CNKSR2: variants seen among roughly 807,000 people sequenced by gnomAD.
The protein encoded by CNKSR2 is connector enhancer of kinase suppressor of Ras 2, also known as CNK homolog protein 2.
In CNKSR2, 14 loss-of-function variants were observed where a neutral mutation model predicts 84.4. The observed-to-expected ratio is 0.17, with a 90% confidence interval of 0.11 to 0.26. CNKSR2 has a LOEUF of 0.26. Among genes scored for constraint, CNKSR2 ranks in the 10% least tolerant of loss-of-function variants. The probability of loss-of-function intolerance (pLI) is 1.00; values close to 1 mark genes in which losing one functional copy is unlikely to be tolerated. For synonymous variants in CNKSR2, 275 were observed against 277.9 expected, an observed-to-expected ratio of 0.99 and a Z score of 0.10; for missense variants, 485 against 771.2, an observed-to-expected ratio of 0.63 and a Z score of 4.40.
intron 20 of CNKSR2, among the ~76,000 whole-genome samples, chrX:21,619,474 C>T (rs2092592359): frequency 9.0e-6 from 1 of 111,217 alleles, no homozygotes; most frequent in Admixed American, 9.6e-5. Flanking sequence ...CCTAATCTTC[C>T]ATGATTTTGA....
At chrX:21,385,753 A>G (rs758789865) in intron 1 of CNKSR2, among the ~76,000 whole-genome samples, 60 of 111,801 alleles carry the variant, frequency 5.4e-4, no homozygotes, top group African/African-American at 1.8e-3. Flanking sequence ...TCCTGGAAAT[A>G]CTTTTCAAAG....
chrX:21,472,349 T>A (rs913626514), intron 5 of CNKSR2, among the ~76,000 whole-genome samples: 1 of 112,128 alleles, frequency 8.9e-6, no homozygotes, highest in African/African-American at 3.2e-5. Context: ...AGGCTGTTAT[T>A]GAGGTCAGTG....
At position 21,526,953 on chromosome X, in the gene CNKSR2, C is replaced by T; in HGVS notation, c.1044C>T (p.Leu348=). Residue 348 remains leucine (L), a synonymous_variant, in exon 10 of 22, where the codon CTC becomes CTT. Transcript: ENST00000379510. ...STPTKRDSSA[L]QDLYIPPPPA... ...CCACCAAAAGAGACAGTTCTGCCCT[C>T]CAGGATCTCTACATTCCCCCTCCTC... The T allele has an allele frequency of 8.3e-7, 1 of 1,206,028 alleles. No homozygotes were observed. Among genetic ancestry groups the T allele is most frequent in the East Asian group, 3.0e-5 (1 of 33,707 alleles).
chrX:21,612,543 T>C (rs1427476010), intron 20 of CNKSR2, among the ~76,000 whole-genome samples: 3 of 111,998 alleles, frequency 2.7e-5, no homozygotes, highest in African/African-American at 9.8e-5. Context: ...GCCAAGAAAT[T>C]AAAAATAGGA....
chrX:21,439,575 C>G (rs1001137922), intron 3 of CNKSR2, among the ~76,000 whole-genome samples: 5 of 110,162 alleles, frequency 4.5e-5, no homozygotes, highest in African/African-American at 1.6e-4. Flanking sequence ...ATGATAAGAG[C>G]AGAAATTAGC....
intron 9 of CNKSR2, among the ~76,000 whole-genome samples, chrX:21,525,850 G>A (rs557307315): frequency 5.4e-5 from 6 of 111,064 alleles, no homozygotes; most frequent in African/African-American, 1.6e-4. Context: ...TGAAGATACA[G>A]TTCATTTGTG....
intron 5 of CNKSR2, among the ~76,000 whole-genome samples, chrX:21,481,250 C>G (rs961244802): frequency 6.3e-5 from 7 of 111,747 alleles, no homozygotes; most frequent in African/African-American, 2.0e-4. Flanking sequence ...AACTGAGGCA[C>G]ACAAAAGGAT....
rs1209453760 is a variant in CNKSR2, at chrX:21,468,346, A to G, written c.520-2420A>G. ...ATTTAAAATGTAATATTAATATAGC[A>G]TCAAACATATATTTAATAGTATTTG... On this transcript the variant is annotated intron_variant, in intron 4 of 21. Coordinates refer to ENST00000379510, the MANE Select transcript of CNKSR2 (RefSeq NM_014927.5). Among the ~76,000 whole-genome samples, 4 of 111,608 alleles carry G rather than the reference A, an allele frequency of 3.6e-5. No individual in the cohort carries two copies. The South Asian group carries it at 1.1e-3, about 31-fold the overall frequency.
At chrX:21,526,484 CTCA>C (rs1222570384) in intron 9 of CNKSR2, among the ~76,000 whole-genome samples, 2 of 111,022 alleles carry the variant, frequency 1.8e-5, no homozygotes, top group Non-Finnish European at 3.8e-5. Context: ...TTTTGAGTTA[CTCA>C]TCATTATTGT....
chrX:21,462,714 AT>A lies in CNKSR2; in HGVS notation c.520-8035del, dbSNP rs765249371. Among the ~76,000 whole-genome samples, 669 of 92,031 alleles carry A rather than the reference AT, an allele frequency of 7.3e-3. 1 individual carries two copies. Among genetic ancestry groups the A allele is most frequent in the African/African-American group, 8.5e-3 (205 of 24,158 alleles). The allele number at this position is 92,031 out of a possible 115,157, so 79.9% of individuals were successfully genotyped here. Reference sequence around the variant, plus strand: ...GAGGTATCTTTCTTCTATACCCAGTATTTTTTTTTTTTTTTTTGAGACAGAC... The same window carrying A: ...GAGGTATCTTTCTTCTATACCCAGTATTTTTTTTTTTTTTTTGAGACAGAC... On this transcript the variant is annotated intron_variant, in intron 4 of 21. Coordinates refer to ENST00000379510, the MANE Select transcript of CNKSR2 (RefSeq NM_014927.5).
chrX:21,379,347 A>C (rs1193963333), intron 1 of CNKSR2, among the ~76,000 whole-genome samples: 1 of 112,618 alleles, frequency 8.9e-6, no homozygotes. Context: ...ACTGCAAATA[A>C]GCTTAAGTGA....
intron 1 of CNKSR2, among the ~76,000 whole-genome samples, chrX:21,409,910 T>C (rs1272505751): frequency 9.0e-6 from 1 of 111,523 alleles, no homozygotes; most frequent in African/African-American, 3.2e-5. Context: ...GTTCCTTTGT[T>C]GTCTATAGAT....
At chrX:21,601,708 C>A (rs1026117576) in intron 18 of CNKSR2, among the ~76,000 whole-genome samples, 1 of 112,014 alleles carries the variant, frequency 8.9e-6, no homozygotes, top group Non-Finnish European at 1.9e-5. Context: ...ATTTAAGTGG[C>A]CTTTTATGCA....
rs912372277 is a variant in CNKSR2, at chrX:21,618,247, T to G, written c.2692+8630T>G. ...CCTATTTCCAGTGTTCTCACTAGTT[T>G]CATACTACTAGCCACTCAGACTTTC... On this transcript the variant is annotated intron_variant, in intron 20 of 21. Transcript: ENST00000379510. 2.7e-5 allele frequency among the ~76,000 whole-genome samples: 3 copies of G among 111,371 alleles called. No individual in the cohort carries two copies. In the Middle Eastern group the frequency reaches 0.014, roughly 513 times the overall value.
rs1175128332 is a variant in CNKSR2, at chrX:21,628,031, T to TG, written c.2692+18420dup. ...CAAGTTAGTTACCTCCTAGATACACTGGGGGGTACAGGCATTGGATAAATG... is the reference window on the plus strand; with the variant it reads ...CAAGTTAGTTACCTCCTAGATACACTGGGGGGGTACAGGCATTGGATAAATG... On this transcript the variant is annotated intron_variant, in intron 20 of 21. Transcript: ENST00000379510. 3.6e-5 allele frequency among the ~76,000 whole-genome samples: 4 copies of TG among 111,184 alleles called. No individual in the cohort carries two copies. The East Asian group carries it at 8.5e-4, about 24-fold the overall frequency.
At position 21,648,826 on chromosome X, in the gene CNKSR2, T is replaced by TG; in HGVS notation, c.2693-4dup. The TG allele has an allele frequency of 1.0e-6, 1 of 1,001,518 alleles. No homozygotes were observed. The highest frequency in any genetic ancestry group is 1.3e-6 in the Non-Finnish European group (1 of 758,546). The allele number at this position is 1,001,518 out of a possible 1,213,427, so 82.5% of individuals were successfully genotyped here. ...TTTTTTTTTTTTTTTTTTTGGATGT[T>TG]GCAGGTGAAAGCAGAGAAGAAAAGT... On this transcript the variant is annotated splice_region_variant and splice_polypyrimidine_tract_variant and intron_variant, in intron 20 of 21. Coordinates refer to ENST00000379510, the MANE Select transcript of CNKSR2 (RefSeq NM_014927.5).
At chrX:21,618,844 G>A (rs1319491764) in intron 20 of CNKSR2, among the ~76,000 whole-genome samples, 3 of 111,829 alleles carry the variant, frequency 2.7e-5, no homozygotes, top group Non-Finnish European at 5.7e-5. Flanking sequence ...CATGTTAAGA[G>A]CCTGTCTAGC....
intron 1 of CNKSR2, among the ~76,000 whole-genome samples, chrX:21,402,412 G>T (rs1248258279): frequency 4.5e-5 from 5 of 110,911 alleles, no homozygotes; most frequent in African/African-American, 6.5e-5. Flanking sequence ...GAACAACTTA[G>T]GTTTAATATT....
rs181406497 is a variant in CNKSR2, at chrX:21,551,369, G to A, written c.1304-10102G>A. 4.8e-4 allele frequency among the ~76,000 whole-genome samples: 54 copies of A among 112,360 alleles called. No homozygotes were observed. The East Asian group carries it at 0.014, about 30-fold the overall frequency. On this transcript the variant is annotated intron_variant, in intron 11 of 21. Transcript: ENST00000379510. ...TCCCAAAACTTAAAGTATAATTTAA[G>A]AGAAAGAAAGAAAAATCACTTTTAA...
Sources: gnomAD v4.1 joint callset for allele counts (sites outside exome capture counted in the v4.1 genomes callset) on GRCh38, gnomAD v4.1.1 for gene constraint, MANE v1.5 for transcripts, NCBI Gene and HGNC (gene_info 2026-07-23, HGNC 2026-07-21) for gene names.